The following ZNF771 variants were observed in gnomAD, a reference collection of about 807,000 sequenced individuals.
The protein encoded by ZNF771 is mesenchymal stem cell protein DSC43.
In ZNF771, 10 loss-of-function variants were observed where a neutral mutation model predicts 27.6. The observed-to-expected ratio is 0.36, with a 90% CI of 0.22 to 0.61. The LOEUF (loss-of-function observed/expected upper bound fraction) is 0.61. ZNF771 is among the 20% of genes least tolerant of loss of function. The pLI, the probability that ZNF771 is intolerant of heterozygous loss-of-function variation, is 0.70. For missense variants in ZNF771, 438 were observed against 503.7 expected, an observed-to-expected ratio of 0.87 and a Z score of 1.25; for synonymous variants, 261 against 225.2, an observed-to-expected ratio of 1.16 and a Z score of -1.43.
intron 2 of ZNF771, chr16:30,414,065 A>C (rs918458232): frequency 6.6e-6 from 1 of 152,214 alleles, no homozygotes. Flanking sequence ...TGAACTCAGC[A>C]TGAGGAAGCC....
At position 30,408,156 on chromosome 16, in the gene ZNF771, G is replaced by A; in HGVS notation, c.103G>A (p.Glu35Lys). 1.2e-6 allele frequency: 2 copies of A among 1,613,758 alleles called. No individual in the cohort carries two copies. The highest frequency in any genetic ancestry group is 2.2e-5 in the South Asian group (2 of 91,078). Residue 35 changes from glutamate to lysine, a missense_variant, in exon 2 of 3, where the codon GAG becomes AAG. By Grantham distance (56) the Glu-to-Lys change is moderately conservative (BLOSUM62 1). Transcript: ENST00000319296. Reference protein sequence around the residue: ...GEEDEGEEKYEVVKLKIPMDN... With the variant: ...GEEDEGEEKYKVVKLKIPMDN... ...GGAGGATGAGGGTGAGGAGAAGTAT[G>A]AGGTGGTGAAACTCAAGATCCCCAT... is the stretch of plus-strand genomic sequence containing the variant.
In ZNF771 at chr16:30,418,426, C is replaced by A. The variant is rs2050150574; in HGVS notation, c.*59C>A. ...TTCGACCTGGCTGCACTAACCCAGGCTCCTCCTCGCCCCGGCCTCCGGGTC... is the reference window on the plus strand; with the variant it reads ...TTCGACCTGGCTGCACTAACCCAGGATCCTCCTCGCCCCGGCCTCCGGGTC... On this transcript the variant is annotated 3_prime_UTR_variant, in exon 3 of 3. Transcript: ENST00000319296. 3.0e-6 allele frequency: 4 copies of A among 1,338,852 alleles called. No homozygotes were observed. Among genetic ancestry groups the A allele is most frequent in the South Asian group, 3.6e-5 (2 of 55,924 alleles). 82.9% of individuals were successfully genotyped at this position (1,338,852 alleles called of 1,614,324 possible). A position where few individuals can be genotyped will look rare whatever the true frequency, so the allele number is the denominator to read the frequency against.
chr16:30,413,633 G>A (rs1334892429), intron 2 of ZNF771: 7 of 430,470 alleles, frequency 1.6e-5, no homozygotes, highest in African/African-American at 1.4e-4. Context: ...AGTGGCACGT[G>A]ATTGTAGCTC....
In ZNF771 at chr16:30,418,023, G is replaced by A; in HGVS notation, c.610G>A (p.Ala204Thr). ...RRTHTGERPY[A>T]CADCGTRFAQ... ...CACGCACACGGGCGAGCGGCCCTAC[G>A]CTTGCGCCGACTGCGGCACGCGCTT... Residue 204 changes from alanine to threonine, a missense_variant, in exon 3 of 3, where the codon GCT (alanine) becomes ACT (threonine). Ala to Thr is a moderately conservative substitution (Grantham distance 58, BLOSUM62 0). Around this residue, in one of 3 missense-constraint regions of ZNF771, gnomAD observed 305 missense variants for 308.0 expected, o/e 0.99. Transcript: ENST00000319296. The A allele has an allele frequency of 6.9e-7, 1 of 1,452,176 alleles. No homozygotes were observed. The highest frequency in any genetic ancestry group is 2.9e-5 in the East Asian group (1 of 34,900). 90.0% of individuals were successfully genotyped at this position (1,452,176 alleles called of 1,614,324 possible).
chr16:30,418,114 CTG>C lies in ZNF771; in HGVS notation c.708_709del (p.Cys236TrpfsTer79). The C allele has an allele frequency of 6.8e-7, 1 of 1,479,276 alleles. No individual in the cohort carries two copies. The highest frequency in any genetic ancestry group is 1.3e-5 in the South Asian group (1 of 77,430). 91.6% of individuals were successfully genotyped at this position (1,479,276 alleles called of 1,614,324 possible). A position where few individuals can be genotyped will look rare whatever the true frequency, so the allele number is the denominator to read the frequency against. On this transcript the variant is annotated frameshift_variant, in exon 3 of 3. Transcript: ENST00000319296. LOFTEE classifies it high-confidence loss of function. ...ACGGGCGAGAAGCCGCACCGCTGCG[CTG>C]TGTGTGGCCGTCGCTTCGGCCACCG... is the stretch of plus-strand genomic sequence containing the variant.
chr16:30,418,251 G>A lies in ZNF771; in HGVS notation c.838G>A (p.Ala280Thr). Residue 280 changes from alanine (A) to threonine (T), a missense_variant, in exon 3 of 3, where the codon GCG becomes ACG. Transcript: ENST00000319296. ...CTCGCACTTCATTCGCCACCGACGC[G>A]CGCACATGCGGCGCCGCCTGTATAT... ...LSSHFIRHRR[A>T]HMRRRLYICA... 6.6e-7 allele frequency: 1 copy of A among 1,513,632 alleles called. No individual in the cohort carries two copies. The highest frequency in any genetic ancestry group is 2.6e-5 in the East Asian group (1 of 37,764). 93.8% of individuals were successfully genotyped at this position (1,513,632 alleles called of 1,614,324 possible).
rs532169423 is a variant in ZNF771, at chr16:30,418,343, T to C, written c.930T>C (p.Arg310=). Reference sequence around the variant, plus strand: ...CCACGGCCGCCACTGCCACCGAGCGTTGCCCGGAGTGTGAGGGCAGCTGAG... The same window carrying C: ...CCACGGCCGCCACTGCCACCGAGCGCTGCCCGGAGTGTGAGGGCAGCTGAG... ...PGATAATATE[R]CPECEGS is the part of the protein sequence containing the mutation. The change falls in exon 3 of 3, where the codon CGT becomes CGC. Residue 310 remains arginine (R), a synonymous_variant. Coordinates refer to ENST00000319296, the MANE Select transcript of ZNF771 (RefSeq NM_001142305.2). 10 of 1,450,436 alleles carry C rather than the reference T, an allele frequency of 6.9e-6. No homozygotes were observed. The South Asian group carries it at 1.4e-4, about 20-fold the overall frequency. 89.8% of individuals were successfully genotyped at this position (1,450,436 alleles called of 1,614,324 possible).
Position 30,418,103 on chromosome 16 carries a change from G to A in ZNF771, c.690G>A (p.Pro230=), listed in dbSNP as rs772878088. The A allele has an allele frequency of 1.4e-6, 2 of 1,479,188 alleles. No individual in the cohort carries two copies. Among genetic ancestry groups the A allele is most frequent in the South Asian group, 1.3e-5 (1 of 77,280 alleles). The allele number at this position is 1,479,188 out of a possible 1,614,324, so 91.6% of individuals were successfully genotyped here. The change falls in exon 3 of 3, where the codon CCG becomes CCA. Residue 230 remains proline (P), a synonymous_variant. Coordinates refer to ENST00000319296, the MANE Select transcript of ZNF771 (RefSeq NM_001142305.2). ...GGCGCGTGCACACGGGCGAGAAGCCGCACCGCTGCGCTGTGTGTGGCCGTC... is the reference window on the plus strand; with the variant it reads ...GGCGCGTGCACACGGGCGAGAAGCCACACCGCTGCGCTGTGTGTGGCCGTC... ...KHRRVHTGEK[P]HRCAVCGRRF...
At position 30,408,121 on chromosome 16, in the gene ZNF771, T is replaced by A; in HGVS notation, c.68T>A (p.Val23Glu). 6.2e-7 allele frequency: 1 copy of A among 1,609,704 alleles called. No homozygotes were observed. The highest frequency in any genetic ancestry group is 8.5e-7 in the Non-Finnish European group (1 of 1,177,110). Reference protein sequence around the residue: ...EEMQEEMVLLVKGEEDEGEEK... With the variant: ...EEMQEEMVLLEKGEEDEGEEK... Reference sequence around the variant, plus strand: ...ATGCAGGAGGAGATGGTGCTGCTGGTGAAGGGTGAGGAGGATGAGGGTGAG... The same window carrying A: ...ATGCAGGAGGAGATGGTGCTGCTGGAGAAGGGTGAGGAGGATGAGGGTGAG... Residue 23 changes from valine to glutamate, a missense_variant, in exon 2 of 3, where the codon GTG (valine) becomes GAG (glutamate). Transcript: ENST00000319296.
At position 30,418,085 on chromosome 16, in the gene ZNF771, G is replaced by A; in HGVS notation, c.672G>A (p.Val224=). 2.7e-6 allele frequency: 4 copies of A among 1,478,888 alleles called. No individual in the cohort carries two copies. The highest frequency in any genetic ancestry group is 3.6e-6 in the Non-Finnish European group (4 of 1,122,622). The allele number at this position is 1,478,888 out of a possible 1,614,324, so 91.6% of individuals were successfully genotyped here. A position where few individuals can be genotyped will look rare whatever the true frequency, so the allele number is the denominator to read the frequency against. Residue 224 remains valine, a synonymous_variant, in exon 3 of 3, where the codon GTG becomes GTA. Transcript: ENST00000319296. The part of the protein sequence containing the change: ...QSSALAKHRR[V]HTGEKPHRCA... The stretch of plus-strand genomic sequence containing the variant: ...CGGCGCTGGCCAAGCACCGGCGCGT[G>A]CACACGGGCGAGAAGCCGCACCGCT...
rs930657248 is a variant in ZNF771 at position 30,410,025 on chromosome 16, G to A, written c.141+1831G>A. Among the ~76,000 whole-genome samples, 11 of 152,132 alleles carry A rather than the reference G, an allele frequency of 7.2e-5. 1 individual carries two copies. The highest frequency in any genetic ancestry group is 1.3e-4 in the Admixed American group (2 of 15,252). On this transcript the variant is annotated intron_variant, in intron 2 of 2. Coordinates refer to ENST00000319296, the MANE Select transcript of ZNF771 (RefSeq NM_001142305.2). ...ACTGTGTCTGGCACAAAATAAACAC[G>A]GAAATAGTTGCTGTTACATTTATTC...
rs1221167917 is a variant in ZNF771, at chr16:30,407,996, G to GT, written c.-9-49_-9-48insT. The GT allele has an allele frequency of 1.8e-4, 160 of 891,266 alleles. 3 individuals are homozygous for GT. The East Asian group carries it at 4.8e-3, about 27-fold the overall frequency. 55.2% of individuals were successfully genotyped at this position (891,266 alleles called of 1,614,324 possible). On this transcript the variant is annotated intron_variant, in intron 1 of 2. Transcript: ENST00000319296. Reference sequence around the variant, plus strand: ...CCAGGGCCACGGTGGGCGGGGGGGGGGGTGGGGGGGGGCGGGTCCTGAGCT... The same window carrying GT: ...CCAGGGCCACGGTGGGCGGGGGGGGGTGGTGGGGGGGGGCGGGTCCTGAGCT...
intron 2 of ZNF771, among the ~76,000 whole-genome samples, chr16:30,411,175 C>G (rs1006474404): frequency 2.6e-5 from 4 of 151,996 alleles, no homozygotes; most frequent in African/African-American, 9.6e-5. Context: ...AAAAATTAGC[C>G]GGGTGTGGTG....
chr16:30,417,449 T>A, intron 2 of ZNF771, 106 bp from the exon 3 acceptor site: 1 of 766,610 alleles, frequency 1.3e-6, no homozygotes, highest in Non-Finnish European at 1.7e-6. Context: ...CTTTCCTATT[T>A]CATAGATGGG....
In ZNF771 at chr16:30,418,528, A is replaced by G. The variant is rs1371519567; in HGVS notation, c.*161A>G. On this transcript the variant is annotated 3_prime_UTR_variant, in exon 3 of 3. Transcript: ENST00000319296. The stretch of plus-strand genomic sequence containing the variant: ...GAGAATCCCCTGCCGGGGTCCCTGG[A>G]AACAGTGCCCACCCCACATCACTAC... 2 of 643,156 alleles carry G rather than the reference A, an allele frequency of 3.1e-6. No homozygotes were observed. Among genetic ancestry groups the G allele is most frequent in the African/African-American group, 3.9e-5 (2 of 51,438 alleles). 39.8% of individuals were successfully genotyped at this position (643,156 alleles called of 1,614,324 possible). A position where few individuals can be genotyped will look rare whatever the true frequency, so the allele number is the denominator to read the frequency against.
chr16:30,408,342 G>T, intron 2 of ZNF771, 148 bp downstream of exon 2: 1 of 1,120,996 alleles, frequency 8.9e-7, no homozygotes, highest in Non-Finnish European at 1.3e-6. Context: ...CTGCCCTACT[G>T]CCTGGGCTTC....
chr16:30,413,220 T>C (rs1242255385), intron 2 of ZNF771, among the ~76,000 whole-genome samples: 1 of 152,222 alleles, frequency 6.6e-6, no homozygotes, highest in Non-Finnish European at 1.5e-5. Context: ...TAGCCTCCTG[T>C]TATAGTGCAA....
Position 30,418,256 on chromosome 16 carries a change from C to G in ZNF771, c.843C>G (p.His281Gln). Residue 281 changes from histidine (H) to glutamine (Q), a missense_variant, in exon 3 of 3, where the codon CAC becomes CAG. His to Gln is a conservative substitution (Grantham distance 24). This residue lies in a region of ZNF771 where 305 missense variants were observed against 308.0 expected (regional missense o/e 0.99). Transcript: ENST00000319296. The part of the protein sequence containing the change: ...SSHFIRHRRA[H>Q]MRRRLYICAG... ...ACTTCATTCGCCACCGACGCGCGCACATGCGGCGCCGCCTGTATATTTGCG... is the reference window on the plus strand; with the variant it reads ...ACTTCATTCGCCACCGACGCGCGCAGATGCGGCGCCGCCTGTATATTTGCG... The G allele has an allele frequency of 1.3e-6, 2 of 1,512,942 alleles. No individual in the cohort carries two copies. Among genetic ancestry groups the G allele is most frequent in the Non-Finnish European group, 1.8e-6 (2 of 1,137,454 alleles). The allele number at this position is 1,512,942 out of a possible 1,614,324, so 93.7% of individuals were successfully genotyped here.
Position 30,418,336 on chromosome 16 carries a change from C to G in ZNF771, c.923C>G (p.Thr308Ser), listed in dbSNP as rs747911202. The change falls in exon 3 of 3, where the codon ACC becomes AGC. Residue 308 changes from threonine to serine, a missense_variant. Physicochemically the swap from Thr to Ser is moderately conservative, Grantham distance 58. Coordinates refer to ENST00000319296, the MANE Select transcript of ZNF771 (RefSeq NM_001142305.2). ...CCTGGCGCCACGGCCGCCACTGCCA[C>G]CGAGCGTTGCCCGGAGTGTGAGGGC... Reference protein sequence around the residue: ...LPPGATAATATERCPECEGS With the variant: ...LPPGATAATASERCPECEGS 52 of 1,458,404 alleles carry G rather than the reference C, an allele frequency of 3.6e-5. No homozygotes were observed. The highest frequency in any genetic ancestry group is 1.2e-5 in the Non-Finnish European group (13 of 1,108,000). The allele number at this position is 1,458,404 out of a possible 1,614,324, so 90.3% of individuals were successfully genotyped here.
Sources: gnomAD v4.1 joint callset for allele counts (sites outside exome capture counted in the v4.1 genomes callset) on GRCh38, gnomAD v4.1.1 for gene constraint, gnomAD v4.1.1 regional missense constraint, MANE v1.5 for transcripts, NCBI Gene and HGNC (gene_info 2026-07-23, HGNC 2026-07-21) for gene names.